ALDH1L1: variants seen among roughly 807,000 people sequenced by gnomAD.
ALDH1L1 encodes cytosolic 10-formyltetrahydrofolate dehydrogenase.
ALDH1L1 carries 68 observed loss-of-function variants against 101.1 expected under a neutral mutation model. That is an observed-to-expected ratio of 0.67 (90% CI 0.55 to 0.82). ALDH1L1 has a LOEUF of 0.82. Ranked by LOEUF, ALDH1L1 falls within the 40% of genes least tolerant of loss-of-function variation. The pLI is 0.00. For synonymous variants in ALDH1L1, 486 were observed against 470.8 expected, an observed-to-expected ratio of 1.03 and a Z score of -0.42; for missense variants, 1,087 against 1,172.7, an observed-to-expected ratio of 0.93 and a Z score of 1.07.
At chr3:126,195,382 A>G (rs1477649198) in intron 1 of ALDH1L1, among the ~76,000 whole-genome samples, 1 of 152,178 alleles carries the variant, frequency 6.6e-6, no homozygotes, top group East Asian at 1.9e-4. Context: ...AATTAATTAG[A>G]GCTCTCTTAT....
chr3:126,194,506 A>G (rs2081570938), intron 1 of ALDH1L1, among the ~76,000 whole-genome samples: 1 of 152,238 alleles, frequency 6.6e-6, no homozygotes, highest in South Asian at 2.1e-4. Flanking sequence ...TGAGATTCTT[A>G]TAAACCTTTT....
intron 21 of ALDH1L1, among the ~76,000 whole-genome samples, chr3:126,106,821 G>T (rs1439758758): frequency 6.6e-6 from 1 of 152,236 alleles, no homozygotes; most frequent in Non-Finnish European, 1.5e-5. Flanking sequence ...TCAGTGTGGG[G>T]GGTGGTTTAA....
Position 126,113,594 on chromosome 3 carries a change from C to G in ALDH1L1, c.2083-714G>C, listed in dbSNP as rs141865617. Among the ~76,000 whole-genome samples the G allele has an allele frequency of 1.3e-3, 197 of 152,328 alleles. 6 individuals carry two copies. In the East Asian group the frequency reaches 0.02, roughly 16 times the overall value. On this transcript the variant is annotated intron_variant, in intron 18 of 22. Transcript: ENST00000393434. ...TCAGCACAGGGCCCAGCTAGATCCC[C>G]GTGCTGATGGGTTCACCCGGGCCCG...
At position 126,172,746 on chromosome 3, in the gene ALDH1L1, G is replaced by A. The variant is rs9844513; in HGVS notation, c.-24+7730C>T. Among the ~76,000 whole-genome samples the A allele has an allele frequency of 3.2e-3, 481 of 152,004 alleles. 3 individuals carry two copies. The highest frequency in any genetic ancestry group is 0.011 in the African/African-American group (448 of 41,462). ...AAGCAGCTCAGAGGAAACCAAATAGGATAAAGATCACCCCCCACCCCCCAA... is the reference window on the plus strand; with the variant it reads ...AAGCAGCTCAGAGGAAACCAAATAGAATAAAGATCACCCCCCACCCCCCAA... On this transcript the variant is annotated intron_variant, in intron 1 of 22. Coordinates refer to ENST00000393434, the MANE Select transcript of ALDH1L1 (RefSeq NM_012190.4).
At chr3:126,119,356 C>T (rs748702147) in intron 16 of ALDH1L1, among the ~76,000 whole-genome samples, 11 of 152,236 alleles carry the variant, frequency 7.2e-5, no homozygotes, top group African/African-American at 2.4e-4. Flanking sequence ...AACTCTTAAT[C>T]GTTCACCTAG....
chr3:126,191,164 T>C (rs1559986914), intron 1 of ALDH1L1, among the ~76,000 whole-genome samples: 1 of 152,276 alleles, frequency 6.6e-6, no homozygotes, highest in East Asian at 1.9e-4. Flanking sequence ...TGCAACAGCT[T>C]AGATGGAGAT....
intron 1 of ALDH1L1, among the ~76,000 whole-genome samples, chr3:126,187,841 A>C (rs2081529793): frequency 6.6e-6 from 1 of 152,162 alleles, no homozygotes; most frequent in Non-Finnish European, 1.5e-5. Flanking sequence ...CCAGAACAGA[A>C]GGTGGAGGTG....
chr3:126,131,742 T>C (rs766642512), intron 12 of ALDH1L1, among the ~76,000 whole-genome samples: 1 of 152,264 alleles, frequency 6.6e-6, no homozygotes, highest in Admixed American at 6.5e-5. Flanking sequence ...CCTCTGTCCC[T>C]CTCTCCTTTC....
chr3:126,150,175 T>C (rs1215444263), intron 8 of ALDH1L1, among the ~76,000 whole-genome samples: 1 of 152,216 alleles, frequency 6.6e-6, no homozygotes, highest in Non-Finnish European at 1.5e-5. Context: ...AATGAGCCCC[T>C]AGAAGAGTCA....
intron 1 of ALDH1L1, among the ~76,000 whole-genome samples, chr3:126,176,393 G>A (rs1288039763): frequency 1.3e-5 from 2 of 152,124 alleles, no homozygotes; most frequent in African/African-American, 2.4e-5. Context: ...GAAGGAGAAC[G>A]AAGTTAGAGG....
At chr3:126,163,517 C>A (rs1391716145) in intron 1 of ALDH1L1, among the ~76,000 whole-genome samples, 1 of 152,100 alleles carries the variant, frequency 6.6e-6, no homozygotes, top group Non-Finnish European at 1.5e-5. Context: ...TTCCTGTGAC[C>A]TTGGGAAGAA....
chr3:126,106,594 A>G (rs1280013029), intron 21 of ALDH1L1, among the ~76,000 whole-genome samples: 1 of 152,108 alleles, frequency 6.6e-6, no homozygotes, highest in Non-Finnish European at 1.5e-5. Context: ...TAGATTATAA[A>G]GAGCCTTTTG....
intron 11 of ALDH1L1, 55 bp from the exon 12 acceptor site, chr3:126,135,717 A>C (rs1576444110): frequency 6.9e-7 from 1 of 1,442,660 alleles, no homozygotes; most frequent in African/African-American, 1.5e-5. Flanking sequence ...GCACACAGAT[A>C]CCCCTGCCTG....
chr3:126,162,387 C>T (rs1374049543), intron 1 of ALDH1L1, among the ~76,000 whole-genome samples: 4 of 152,226 alleles, frequency 2.6e-5, no homozygotes, highest in Non-Finnish European at 5.9e-5. Context: ...ACAGCTGTCT[C>T]ATTGGGGTTT....
chr3:126,180,503 CG>C lies in ALDH1L1; in HGVS notation c.-52del. 6 of 1,000,490 alleles carry C rather than the reference CG, an allele frequency of 6.0e-6. No individual in the cohort carries two copies. Among genetic ancestry groups the C allele is most frequent in the Non-Finnish European group, 6.0e-6 (5 of 838,956 alleles). The allele number at this position is 1,000,490 out of a possible 1,614,324, so 62.0% of individuals were successfully genotyped here. ...CGCGCAGGAGTTGGTGCGGGCGTCC[CG>C]GGCAGGTTAGACTTCTGTGAGCCGC... On this transcript the variant is annotated 5_prime_UTR_variant, in exon 1 of 23. Transcript: ENST00000393434.
At chr3:126,159,568 T>C in intron 2 of ALDH1L1, 1 of 455,784 alleles carries the variant, frequency 2.2e-6, no homozygotes, top group South Asian at 1.6e-5. Context: ...TCCTGGTGTC[T>C]GGTAGTTTTG....
At chr3:126,179,895 G>A (rs1386359105) in intron 1 of ALDH1L1, 1 of 152,206 alleles carries the variant, frequency 6.6e-6, no homozygotes. Context: ...CCCTCTGCAC[G>A]CGCGACCGTC....
chr3:126,110,252 T>A, intron 19 of ALDH1L1, 143 bp from the exon 20 acceptor site: 1 of 1,070,654 alleles, frequency 9.3e-7, no homozygotes, highest in African/African-American at 1.6e-5. Context: ...ATTCTGACTC[T>A]AAATCCACCT....
upstream of ALDH1L1, among the ~76,000 whole-genome samples, chr3:126,186,493 ACCTGAC>A (rs67057679): frequency 7.3e-5 from 11 of 151,660 alleles, no homozygotes; most frequent in South Asian, 2.1e-4. Context: ...CTGACCCTGA[ACCTGAC>A]CCTGACCCTG....
Sources: gnomAD v4.1 joint callset for allele counts (sites outside exome capture counted in the v4.1 genomes callset) on GRCh38, gnomAD v4.1.1 for gene constraint, MANE v1.5 for transcripts, NCBI Gene and HGNC (gene_info 2026-07-23, HGNC 2026-07-21) for gene names.